Variants in SPMIP3 observed in about 807,000 individuals in gnomAD.
SPMIP3 encodes the protein sperm microtubule inner protein 3.
chr1:244,353,133 T>C, the SPMIP3 span, among the ~76,000 whole-genome samples: 1 of 152,196 alleles, frequency 6.6e-6, no homozygotes, highest in South Asian at 2.1e-4. Context: ...CAGCGAACAC[T>C]TTGCAAGAGA....
the SPMIP3 span, among the ~76,000 whole-genome samples, chr1:244,361,832 G>T: frequency 6.6e-6 from 1 of 152,196 alleles, no homozygotes; most frequent in South Asian, 2.1e-4. Context: ...GATAGTGGGG[G>T]CTGTCTTTGT....
the SPMIP3 span, among the ~76,000 whole-genome samples, chr1:244,384,494 A>G: frequency 6.6e-6 from 1 of 152,148 alleles, no homozygotes. Flanking sequence ...ATGAGCCACC[A>G]CACCTGGCCA....
the SPMIP3 span, among the ~76,000 whole-genome samples, chr1:244,375,909 C>T: frequency 7.2e-5 from 11 of 152,264 alleles, no homozygotes; most frequent in African/African-American, 2.2e-4. Context: ...TCAAGTCATC[C>T]GCCCACTTTG....
the SPMIP3 span, among the ~76,000 whole-genome samples, chr1:244,353,037 CTG>C: frequency 2.0e-5 from 3 of 152,148 alleles, no homozygotes; most frequent in Admixed American, 6.6e-5. Flanking sequence ...GTTTTAAAAA[CTG>C]TGAACTAGAT....
At chr1:244,388,367 T>C in the SPMIP3 span, among the ~76,000 whole-genome samples, 1 of 152,102 alleles carries the variant, frequency 6.6e-6, no homozygotes, top group African/African-American at 2.4e-5. Flanking sequence ...TTAAAGCCTT[T>C]GAGTCCCCCC....
the SPMIP3 span, among the ~76,000 whole-genome samples, chr1:244,359,542 T>C: frequency 2.0e-5 from 3 of 151,832 alleles, no homozygotes; most frequent in African/African-American, 7.3e-5. Context: ...GCCAACATGA[T>C]GAAACCCCGC....
the SPMIP3 span, among the ~76,000 whole-genome samples, chr1:244,357,207 C>T: frequency 1.8e-5 from 2 of 109,424 alleles, no homozygotes; most frequent in East Asian, 4.4e-4. Flanking sequence ...CAGGCACGAG[C>T]CACTGCACCC....
the SPMIP3 span, among the ~76,000 whole-genome samples, chr1:244,369,375 A>G: frequency 1.3e-5 from 2 of 152,132 alleles, no homozygotes; most frequent in Non-Finnish European, 2.9e-5. Context: ...TAAAACTTTG[A>G]TCGAAACAGT....
chr1:244,355,952 T>C, the SPMIP3 span, among the ~76,000 whole-genome samples: 1 of 152,212 alleles, frequency 6.6e-6, no homozygotes, highest in Non-Finnish European at 1.5e-5. Context: ...AAATGTTTGT[T>C]CTTTTTTTTA....
the SPMIP3 span, among the ~76,000 whole-genome samples, chr1:244,367,883 A>G: frequency 6.6e-6 from 1 of 152,144 alleles, no homozygotes; most frequent in African/African-American, 2.4e-5. Context: ...ACTGGAGCCA[A>G]CTCCATTCCT....
At chr1:244,354,526 G>T in the SPMIP3 span, among the ~76,000 whole-genome samples, 2 of 151,842 alleles carry the variant, frequency 1.3e-5, no homozygotes, top group African/African-American at 4.8e-5. Context: ...CGGATAATTT[G>T]TGTGTGTGTA....
chr1:244,375,630 T>TG, the SPMIP3 span: 1 of 297,960 alleles, frequency 3.4e-6, no homozygotes, highest in Non-Finnish European at 6.0e-6. Flanking sequence ...ACTGTTAATG[T>TG]TTTTTTTTTT....
chr1:244,388,662 C>A, the SPMIP3 span, among the ~76,000 whole-genome samples: 4 of 152,094 alleles, frequency 2.6e-5, no homozygotes, highest in Non-Finnish European at 5.9e-5. Flanking sequence ...TGATAATGTA[C>A]GACTAAAAAG....
the SPMIP3 span, among the ~76,000 whole-genome samples, chr1:244,384,923 A>T: frequency 6.6e-6 from 1 of 152,014 alleles, no homozygotes; most frequent in African/African-American, 2.4e-5. Context: ...TTTGTTTGAG[A>T]TGGAGTCTCA....
chr1:244,369,777 T>C, the SPMIP3 span, among the ~76,000 whole-genome samples: 5 of 152,158 alleles, frequency 3.3e-5, no homozygotes, highest in Admixed American at 2.6e-4. Context: ...TAGGACTAGG[T>C]GTGCTGTTTG....
chr1:244,379,504 T>C, the SPMIP3 span, among the ~76,000 whole-genome samples: 7 of 152,260 alleles, frequency 4.6e-5, no homozygotes, highest in East Asian at 1.4e-3. Flanking sequence ...CCACACCTGG[T>C]TGACCACTCT....
the SPMIP3 span, among the ~76,000 whole-genome samples, chr1:244,366,786 A>C: frequency 6.6e-6 from 1 of 152,192 alleles, no homozygotes; most frequent in African/African-American, 2.4e-5. Context: ...AAGCTGAGGC[A>C]GGAGAATCGC....
chr1:244,377,698 C>G, the SPMIP3 span, among the ~76,000 whole-genome samples: 2 of 152,148 alleles, frequency 1.3e-5, no homozygotes, highest in African/African-American at 4.8e-5. Flanking sequence ...TTGTTCTTTG[C>G]TTTTCTTTTC....
the SPMIP3 span, among the ~76,000 whole-genome samples, chr1:244,370,225 G>A: frequency 6.6e-6 from 1 of 152,188 alleles, no homozygotes; most frequent in South Asian, 2.1e-4. Flanking sequence ...AATCATTAAA[G>A]GAGAAGACAG....
Sources: allele counts gnomAD v4.1 joint callset (sites outside exome capture counted in the v4.1 genomes callset), GRCh38; gene constraint gnomAD v4.1.1; transcripts MANE v1.5; gene names NCBI Gene and HGNC (gene_info 2026-07-23, HGNC 2026-07-21).